The following KIF5C variants were observed in gnomAD, a reference collection of about 807,000 sequenced individuals.
The protein encoded by KIF5C is kinesin heavy chain isoform 5C.
KIF5C carries 18 observed loss-of-function variants against 125.2 expected under a neutral mutation model. That is an observed-to-expected ratio of 0.14 (90% CI 0.10 to 0.21). The LOEUF is 0.21. Among genes scored for constraint, KIF5C ranks in the 10% least tolerant of loss-of-function variants. KIF5C has a pLI of 1.00. For synonymous variants in KIF5C, 405 were observed against 434.0 expected, an observed-to-expected ratio of 0.93 and a Z score of 0.83; for missense variants, 780 against 1,183.8, an observed-to-expected ratio of 0.66 and a Z score of 5.01.
intron 25 of KIF5C, among the ~76,000 whole-genome samples, chr2:149,020,766 G>C (rs1325673290): frequency 6.6e-6 from 1 of 152,170 alleles, no homozygotes; most frequent in Non-Finnish European, 1.5e-5. Context: ...CAGTTTCAGT[G>C]GTGGCATTCA....
chr2:148,986,035 A>C (rs1280619540), intron 15 of KIF5C, among the ~76,000 whole-genome samples: 2 of 152,220 alleles, frequency 1.3e-5, no homozygotes, highest in Non-Finnish European at 2.9e-5. Context: ...TGAGCAATAA[A>C]ATTCGATGTG....
At chr2:148,937,198 C>G (rs1682309283) in intron 3 of KIF5C, 86 bp from the exon 4 acceptor site, 2 of 1,507,086 alleles carry the variant, frequency 1.3e-6, no homozygotes, top group Admixed American at 2.1e-5. Flanking sequence ...CGGGTTCTGT[C>G]TGAGGAACCC....
intron 2 of KIF5C, among the ~76,000 whole-genome samples, chr2:148,928,307 G>A (rs1682082194): frequency 6.6e-6 from 1 of 152,108 alleles, no homozygotes. Context: ...CTCAGTGTGG[G>A]GTCCTTCTCC....
rs924549092 is a variant in KIF5C at position 149,025,799 on chromosome 2, G to A, written c.*2729G>A. 6.5e-6 allele frequency: 1 copy of A among 152,726 alleles called. No individual in the cohort carries two copies. Among genetic ancestry groups the A allele is most frequent in the African/African-American group, 2.4e-5 (1 of 41,570 alleles). 9.5% of individuals were successfully genotyped at this position (152,726 alleles called of 1,614,324 possible). On this transcript the variant is annotated 3_prime_UTR_variant, in exon 26 of 26. Coordinates refer to ENST00000435030, the MANE Select transcript of KIF5C (RefSeq NM_004522.3). The stretch of plus-strand genomic sequence containing the variant: ...GGAACTAAAATATATAATGCCAAAT[G>A]TGTTTTTGTCAATTACTAGAGAATT...
chr2:148,915,890 A>G (rs900292392), intron 1 of KIF5C, among the ~76,000 whole-genome samples: 7 of 152,178 alleles, frequency 4.6e-5, no homozygotes, highest in African/African-American at 1.7e-4. Context: ...TTTGGAATAC[A>G]TGCCTCAGGG....
intron 25 of KIF5C, among the ~76,000 whole-genome samples, chr2:149,022,217 T>G (rs1300494501): frequency 6.6e-6 from 1 of 152,206 alleles, no homozygotes; most frequent in Non-Finnish European, 1.5e-5. Flanking sequence ...AGAAATGTTT[T>G]AATTTCCCCC....
intron 1 of KIF5C, among the ~76,000 whole-genome samples, chr2:148,912,823 G>A (rs933816433): frequency 1.3e-5 from 2 of 152,298 alleles, no homozygotes; most frequent in Non-Finnish European, 1.5e-5. Flanking sequence ...TGGGTCAAAT[G>A]TCCCTTCTCC....
chr2:148,893,474 G>A (rs1681761003), intron 1 of KIF5C, among the ~76,000 whole-genome samples: 1 of 152,160 alleles, frequency 6.6e-6, no homozygotes, highest in South Asian at 2.1e-4. Context: ...TATCCATTGT[G>A]TCCTAAACTC....
At chr2:148,998,695 C>A in intron 19 of KIF5C, 186 bp downstream of exon 19, 2 of 991,186 alleles carry the variant, frequency 2.0e-6, no homozygotes, top group Non-Finnish European at 2.9e-6. Flanking sequence ...GCTGAGCCTC[C>A]TGGAGCCCTG....
Position 148,875,763 on chromosome 2 carries a change from G to T in KIF5C, c.126+20G>T. On this transcript the variant is annotated intron_variant, in intron 1 of 25. Coordinates refer to ENST00000435030, the MANE Select transcript of KIF5C (RefSeq NM_004522.3). ...ATCGGGGTAAGTGGCTGGGGCGTCT[G>T]CCTTCCCTGCTGCTCCGCGCCGCAG... 1 of 1,596,500 alleles carries T rather than the reference G, an allele frequency of 6.3e-7. No homozygotes were observed. Among genetic ancestry groups the T allele is most frequent in the Non-Finnish European group, 8.5e-7 (1 of 1,172,366 alleles).
chr2:148,971,196 A>T (rs545977301), intron 11 of KIF5C, among the ~76,000 whole-genome samples: 1 of 152,272 alleles, frequency 6.6e-6, no homozygotes, highest in Admixed American at 6.5e-5. Flanking sequence ...TTCAAGTTTT[A>T]GTTGTATACT....
chr2:148,944,077 T>C (rs1174507147), intron 7 of KIF5C, among the ~76,000 whole-genome samples: 2 of 152,200 alleles, frequency 1.3e-5, no homozygotes, highest in African/African-American at 4.8e-5. Flanking sequence ...TGATAATCCA[T>C]TTTGATGCCT....
At chr2:148,967,837 G>A (rs1680784660) in intron 11 of KIF5C, among the ~76,000 whole-genome samples, 2 of 152,054 alleles carry the variant, frequency 1.3e-5, no homozygotes, top group Non-Finnish European at 2.9e-5. Context: ...TCATATGTGC[G>A]GGAGAGACTC....
At chr2:148,979,852 T>G (rs1226071492) in intron 13 of KIF5C, among the ~76,000 whole-genome samples, 1 of 152,208 alleles carries the variant, frequency 6.6e-6, no homozygotes, top group Non-Finnish European at 1.5e-5. Context: ...CAGCAAGTGT[T>G]TTTACTACAT....
chr2:148,979,782 T>C (rs1297308533), intron 13 of KIF5C, among the ~76,000 whole-genome samples: 1 of 152,226 alleles, frequency 6.6e-6, no homozygotes, highest in Non-Finnish European at 1.5e-5. Context: ...GTCAGCATGT[T>C]TGATACACTA....
chr2:148,942,590 T>C, intron 6 of KIF5C, 83 bp from the exon 7 acceptor site: 2 of 1,541,816 alleles, frequency 1.3e-6, no homozygotes, highest in Non-Finnish European at 1.8e-6. Flanking sequence ...CTCTAGAAGA[T>C]AAACAGGAAA....
intron 1 of KIF5C, among the ~76,000 whole-genome samples, chr2:148,887,719 A>AG (rs1681581851): frequency 6.6e-6 from 1 of 151,376 alleles, no homozygotes; most frequent in Non-Finnish European, 1.5e-5. Context: ...TTTTCGATGG[A>AG]GGGGGTACAT....
intron 1 of KIF5C, among the ~76,000 whole-genome samples, chr2:148,907,739 G>A (rs1384612709): frequency 6.6e-6 from 1 of 152,222 alleles, no homozygotes; most frequent in East Asian, 1.9e-4. Flanking sequence ...AGCCTTTGTG[G>A]CCGAGGTGGC....
intron 17 of KIF5C, among the ~76,000 whole-genome samples, chr2:148,995,453 T>C (rs1265117539): frequency 6.6e-6 from 1 of 152,172 alleles, no homozygotes; most frequent in Non-Finnish European, 1.5e-5. Flanking sequence ...ACTTCATAAA[T>C]ATTAATGAAT....
Sources: allele counts gnomAD v4.1 joint callset (sites outside exome capture counted in the v4.1 genomes callset), GRCh38; gene constraint gnomAD v4.1.1; transcripts MANE v1.5; gene names NCBI Gene and HGNC (gene_info 2026-07-23, HGNC 2026-07-21).